TRHDE: variants seen among roughly 807,000 people sequenced by gnomAD.
The protein encoded by TRHDE is thyrotropin releasing hormone degrading enzyme.
Under a neutral mutation model 125.7 loss-of-function variants are expected in TRHDE, and 72 were observed. The observed-to-expected ratio is 0.57, with a 90% CI of 0.47 to 0.70. The LOEUF (loss-of-function observed/expected upper bound fraction) is 0.70. Ranked by LOEUF, TRHDE falls within the 30% of genes least tolerant of loss-of-function variation. TRHDE has a pLI of 0.00. For synonymous variants in TRHDE, 509 were observed against 509.1 expected, an observed-to-expected ratio of 1.00 and a Z score of 0.00; for missense variants, 1,110 against 1,327.1, an observed-to-expected ratio of 0.84 and a Z score of 2.54.
At chr12:72,175,397 T>A (rs146497907) in intron 2 of TRHDE, among the ~76,000 whole-genome samples, 1 of 152,354 alleles carries the variant, frequency 6.6e-6, no homozygotes, top group Admixed American at 6.5e-5. Context: ...TTTTTGAACA[T>A]AGGATTTGAC....
chr12:72,607,074 T>C (rs1044374347), intron 12 of TRHDE, among the ~76,000 whole-genome samples: 11 of 152,252 alleles, frequency 7.2e-5, no homozygotes, highest in African/African-American at 2.6e-4. Context: ...TTAATATCTT[T>C]TCAAGTCTTT....
chr12:72,286,662 G>A lies in TRHDE; in HGVS notation c.915-19G>A, dbSNP rs776796830. On this transcript the variant is annotated intron_variant, in intron 1 of 18. Coordinates refer to ENST00000261180, the MANE Select transcript of TRHDE (RefSeq NM_013381.3). ...TCACAACATAAATGTAATTGAGAAT[G>A]TCATTTTCTTTTTTCCAGATTCCTT... The A allele has an allele frequency of 1.2e-6, 2 of 1,607,290 alleles. No homozygotes were observed. Among genetic ancestry groups the A allele is most frequent in the Non-Finnish European group, 1.7e-6 (2 of 1,175,652 alleles).
At chr12:72,341,240 C>T (rs1279920918) in intron 2 of TRHDE, among the ~76,000 whole-genome samples, 6 of 151,830 alleles carry the variant, frequency 4.0e-5, no homozygotes, top group African/African-American at 1.5e-4. Flanking sequence ...CCCATCAGCT[C>T]ATCATTTACA....
In TRHDE at chr12:72,646,294, T is replaced by C. The variant is rs192749753; in HGVS notation, c.2676-6028T>C. Among the ~76,000 whole-genome samples the C allele has an allele frequency of 2.7e-3, 403 of 151,974 alleles. 2 individuals carry two copies. Among genetic ancestry groups the C allele is most frequent in the African/African-American group, 9.2e-3 (380 of 41,472 alleles). The stretch of plus-strand genomic sequence containing the variant: ...GTTATCAGCTTAAAATAGACTGTTA[T>C]AAGATATGTATACATCAAGGTAAGC... On this transcript the variant is annotated intron_variant, in intron 15 of 18. Coordinates refer to ENST00000261180, the MANE Select transcript of TRHDE (RefSeq NM_013381.3).
intron 3 of TRHDE, among the ~76,000 whole-genome samples, chr12:72,433,852 G>A (rs1169705429): frequency 6.6e-6 from 1 of 151,524 alleles, no homozygotes; most frequent in Admixed American, 6.6e-5. Context: ...TGTTACACAT[G>A]CCTGGAATTT....
intron 2 of TRHDE, among the ~76,000 whole-genome samples, chr12:72,203,040 T>C (rs1764823639): frequency 6.6e-6 from 1 of 152,178 alleles, no homozygotes; most frequent in Admixed American, 6.5e-5. Flanking sequence ...TCCTACTGTT[T>C]TTAAGTTTGC....
rs539209740 is a variant in TRHDE at position 72,174,821 on chromosome 12, G to T, written n.279+69069G>T. Among the ~76,000 whole-genome samples the T allele has an allele frequency of 1.1e-4, 16 of 152,152 alleles. No homozygotes were observed. The South Asian group carries it at 3.3e-3, about 32-fold the overall frequency. Reference sequence around the variant, plus strand: ...ATTAACTTTGTCATTTCATTAAGGTGGTGTCCACCTCATTTCTCCACTGTA... The same window carrying T: ...ATTAACTTTGTCATTTCATTAAGGTTGTGTCCACCTCATTTCTCCACTGTA... On this transcript the variant is annotated intron_variant and non_coding_transcript_variant, in intron 2 of 4. Transcript: ENST00000548156.
At chr12:72,190,543 A>G (rs1877317203) in intron 2 of TRHDE, among the ~76,000 whole-genome samples, 1 of 152,234 alleles carries the variant, frequency 6.6e-6, no homozygotes, top group Non-Finnish European at 1.5e-5. Flanking sequence ...TGGAAAGACA[A>G]TGGTTGGAAG....
At position 72,286,891 on chromosome 12, in the gene TRHDE, T is replaced by C; in HGVS notation, c.1125T>C (p.Tyr375=). ...CACAGACCCCTCTCATGTCCACATA[T>C]TATTTAGCCTGGGCAATTTGCAACT... The part of the protein sequence containing the change: ...HFSQTPLMST[Y]YLAWAICNFT... Residue 375 remains tyrosine (Y), a synonymous_variant, in exon 2 of 19, where the codon TAT becomes TAC. Transcript: ENST00000261180. The C allele has an allele frequency of 6.2e-7, 1 of 1,614,018 alleles. No homozygotes were observed. The highest frequency in any genetic ancestry group is 8.5e-7 in the Non-Finnish European group (1 of 1,179,972).
chr12:72,272,699 A>G lies in TRHDE; in HGVS notation c.56A>G (p.Lys19Arg). ...GAGGAGGAGAAGAAAAAGAAGAAGA[A>G]AAAGAAGAGGAAGAAGAAGAAGGAG... ...EQEEEKKKKK[K>R]KKRKKKKEEE... Residue 19 changes from lysine (K) to arginine (R), a missense_variant, in exon 1 of 19, where the codon AAA (lysine) becomes AGA (arginine). Physicochemically the swap from Lys to Arg is conservative, Grantham distance 26. This residue lies in a region of TRHDE where 248 missense variants were observed against 240.8 expected (regional missense o/e 1.03). Coordinates refer to ENST00000261180, the MANE Select transcript of TRHDE (RefSeq NM_013381.3). The surrounding 1 kb of genome is among the most constrained non-coding windows in gnomAD (Gnocchi z 6.7). 7.3e-7 allele frequency: 1 copy of G among 1,372,802 alleles called. No individual in the cohort carries two copies. Among genetic ancestry groups the G allele is most frequent in the South Asian group, 1.5e-5 (1 of 65,528 alleles). The allele number at this position is 1,372,802 out of a possible 1,614,324, so 85.0% of individuals were successfully genotyped here.
intron 3 of TRHDE, among the ~76,000 whole-genome samples, chr12:72,424,551 T>C (rs1005074824): frequency 2.0e-5 from 3 of 152,186 alleles, no homozygotes; most frequent in African/African-American, 7.2e-5. Flanking sequence ...TTGTATTGTT[T>C]TAAGCCACTA....
intron 1 of TRHDE, among the ~76,000 whole-genome samples, chr12:72,098,650 T>C (rs1874993492): frequency 6.6e-6 from 1 of 152,204 alleles, no homozygotes; most frequent in Non-Finnish European, 1.5e-5. Context: ...CCTCCTCCCT[T>C]GGTATGTTTT....
At chr12:72,472,372 A>C (rs1056074542) in intron 4 of TRHDE, among the ~76,000 whole-genome samples, 6 of 152,190 alleles carry the variant, frequency 3.9e-5, no homozygotes, top group Non-Finnish European at 7.3e-5. Context: ...AGAATAATAC[A>C]TCATGATCTA....
In TRHDE at chr12:72,234,544, G is replaced by A. The variant is rs115489555; in HGVS notation, n.279+128792G>A. Among the ~76,000 whole-genome samples, 366 of 152,062 alleles carry A rather than the reference G, an allele frequency of 2.4e-3. 1 individual carries two copies. Among genetic ancestry groups the A allele is most frequent in the African/African-American group, 8.5e-3 (354 of 41,488 alleles). ...AGAGAAATAGTGTTAGTAAATAGAA[G>A]GTAGAGACAACATTATTTACATAAA... On this transcript the variant is annotated intron_variant and non_coding_transcript_variant, in intron 2 of 4. Transcript: ENST00000548156.
chr12:72,436,983 T>A (rs893262407), intron 3 of TRHDE, among the ~76,000 whole-genome samples: 6 of 151,870 alleles, frequency 4.0e-5, no homozygotes, highest in African/African-American at 1.4e-4. Context: ...ATATTTTCAG[T>A]TTATACATGT....
intron 6 of TRHDE, among the ~76,000 whole-genome samples, chr12:72,516,976 G>A (rs544511097): frequency 2.0e-5 from 3 of 152,166 alleles, no homozygotes; most frequent in Admixed American, 1.3e-4. Flanking sequence ...AACCAGCCTT[G>A]CATCCCAGGG....
intron 12 of TRHDE, among the ~76,000 whole-genome samples, chr12:72,618,029 G>A (rs191507877): frequency 6.0e-4 from 91 of 152,166 alleles, no homozygotes; most frequent in Admixed American, 1.3e-3. Context: ...ACTATATGCC[G>A]CAAAGACATC....
chr12:72,121,262 G>T (rs940220848), intron 2 of TRHDE, among the ~76,000 whole-genome samples: 2 of 152,118 alleles, frequency 1.3e-5, no homozygotes, highest in African/African-American at 4.8e-5. Flanking sequence ...TGGCTCTGCT[G>T]GTGCTCCAGT....
chr12:72,146,771 T>C (rs931790020), intron 2 of TRHDE, among the ~76,000 whole-genome samples: 1 of 152,332 alleles, frequency 6.6e-6, no homozygotes, highest in East Asian at 1.9e-4. Context: ...CTCTGCCTTA[T>C]TGCAAGGGCA....
Sources: gnomAD v4.1 joint callset for allele counts (sites outside exome capture counted in the v4.1 genomes callset) on GRCh38, gnomAD v4.1.1 for gene constraint, gnomAD v4.1.1 regional missense constraint, Gnocchi (gnomAD v3.1) non-coding constraint, MANE v1.5 for transcripts, NCBI Gene and HGNC (gene_info 2026-07-23, HGNC 2026-07-21) for gene names.